Variants in NPL observed in about 807,000 individuals in gnomAD.
NPL encodes the protein N-acetylneuraminate pyruvate lyase, also known as N-acetylneuraminate lyase.
NPL carries 32 observed loss-of-function variants against 41.1 expected under a neutral mutation model. That is an observed-to-expected ratio of 0.78 (90% CI 0.59 to 1.05). The LOEUF is 1.05. Ranked by LOEUF, NPL falls within the 50% of genes least tolerant of loss-of-function variation. The pLI is 0.00. For synonymous variants in NPL, 128 were observed against 134.9 expected (o/e 0.95, Z 0.35); for missense variants, 321 against 378.4 (o/e 0.85, Z 1.26).
intron 4 of NPL, among the ~76,000 whole-genome samples, chr1:182,804,732 C>T (rs1666955125): frequency 6.6e-6 from 1 of 152,158 alleles, no homozygotes; most frequent in African/African-American, 2.4e-5. Context: ...GGAGCCCCTC[C>T]AGAGCCAGAG....
intron 5 of NPL, among the ~76,000 whole-genome samples, chr1:182,811,048 T>A (rs1039358812): frequency 3.3e-5 from 5 of 151,328 alleles, no homozygotes; most frequent in African/African-American, 9.8e-5. Flanking sequence ...TGATTTTTTT[T>A]AAATTTACAT....
At chr1:182,802,855 C>T (rs778873862) in intron 3 of NPL, among the ~76,000 whole-genome samples, 6 of 152,256 alleles carry the variant, frequency 3.9e-5, no homozygotes, top group East Asian at 3.9e-4. Flanking sequence ...GCAGATCACA[C>T]GGCGATCTTG....
intron 12 of NPL, chr1:182,827,011 T>C (rs1293758151): frequency 6.6e-6 from 1 of 152,204 alleles, no homozygotes; most frequent in Non-Finnish European, 1.5e-5. Flanking sequence ...ATAAAAGTTA[T>C]ATAACTATGG....
rs541849392 is a variant in NPL at position 182,789,801 on chromosome 1, C to G, written c.-76C>G. ...GCGGCTGCACGGACAAGAGCGGAGG[C>G]CTGGGTGAGCGCGGCCCGCGACGGC... On this transcript the variant is annotated 5_prime_UTR_variant, in exon 1 of 13. Transcript: ENST00000367553. 221 of 152,718 alleles carry G rather than the reference C, an allele frequency of 1.4e-3. 2 individuals carry two copies. The highest frequency in any genetic ancestry group is 3.4e-3 in the Middle Eastern group (1 of 296). The allele number at this position is 152,718 out of a possible 1,614,324, so 9.5% of individuals were successfully genotyped here.
At chr1:182,806,589 C>T in intron 5 of NPL, 1 of 1,515,018 alleles carries the variant, frequency 6.6e-7, no homozygotes, top group Non-Finnish European at 8.8e-7. Context: ...CACTGAGCAA[C>T]TCACACCCCT....
intron 8 of NPL, among the ~76,000 whole-genome samples, chr1:182,818,140 G>A (rs1667387162): frequency 6.6e-6 from 1 of 152,136 alleles, no homozygotes; most frequent in Admixed American, 6.5e-5. Flanking sequence ...AGGGATTTAG[G>A]AGATTTGTGT....
intron 4 of NPL, among the ~76,000 whole-genome samples, 191 bp from the exon 5 acceptor site, chr1:182,805,954 A>G (rs923277297): frequency 1.3e-5 from 2 of 152,356 alleles, no homozygotes; most frequent in African/African-American, 4.8e-5. Flanking sequence ...ACAAGTCACA[A>G]TTAACCTTCC....
intron 10 of NPL, among the ~76,000 whole-genome samples, chr1:182,821,309 C>T (rs1667481256): frequency 1.3e-5 from 2 of 152,170 alleles, no homozygotes; most frequent in African/African-American, 4.8e-5. Context: ...TTTCTATAAC[C>T]TTCTACCTTG....
intron 11 of NPL, 85 bp from the exon 12 acceptor site, chr1:182,825,696 G>A: frequency 2.1e-6 from 2 of 950,300 alleles, no homozygotes; most frequent in Non-Finnish European, 3.4e-6. Flanking sequence ...AGACTTTTTA[G>A]GGTTTCTGTA....
At chr1:182,790,957 C>A (rs1426202870) in intron 1 of NPL, among the ~76,000 whole-genome samples, 3 of 152,038 alleles carry the variant, frequency 2.0e-5, no homozygotes, top group Non-Finnish European at 2.9e-5. Context: ...TCGTTTTTAT[C>A]CCATTTCTTC....
chr1:182,818,416 G>T (rs187423068), intron 8 of NPL, 125 bp from the exon 9 acceptor site: 1 of 1,185,244 alleles, frequency 8.4e-7, no homozygotes, highest in East Asian at 2.3e-5. Context: ...CAGTGATTAT[G>T]CCTAGTCTGC....
intron 2 of NPL, 131 bp from the exon 3 acceptor site, chr1:182,794,225 T>G: frequency 1.2e-6 from 1 of 831,394 alleles, no homozygotes; most frequent in Admixed American, 1.8e-5. Flanking sequence ...TTTACCATCT[T>G]GTACTTGCTC....
chr1:182,812,274 T>G, intron 6 of NPL, 61 bp downstream of exon 6: 1 of 1,408,622 alleles, frequency 7.1e-7, no homozygotes, highest in Non-Finnish European at 1.0e-6. Flanking sequence ...TATGCCGCAG[T>G]TAAAATCAGT....
chr1:182,800,133 G>A (rs1374540779), intron 3 of NPL, among the ~76,000 whole-genome samples: 2 of 152,014 alleles, frequency 1.3e-5, no homozygotes, highest in African/African-American at 4.8e-5. Context: ...AGAGTAGGGT[G>A]GGAAAACAAG....
At chr1:182,805,046 A>G (rs1191523593) in intron 4 of NPL, among the ~76,000 whole-genome samples, 1 of 152,144 alleles carries the variant, frequency 6.6e-6, no homozygotes, top group Non-Finnish European at 1.5e-5. Context: ...CCCAGTGCTG[A>G]GTGCTTAGAG....
chr1:182,796,675 G>A (rs1666676934), intron 3 of NPL, among the ~76,000 whole-genome samples: 1 of 152,180 alleles, frequency 6.6e-6, no homozygotes, highest in African/African-American at 2.4e-5. Context: ...GTGAAATGAT[G>A]TGAGTCCTGG....
intron 8 of NPL, among the ~76,000 whole-genome samples, chr1:182,817,169 G>GCACATAGGAAAGTCCTCTGATCTCTTCTC (rs1202631220): frequency 6.6e-6 from 1 of 152,128 alleles, no homozygotes; most frequent in African/African-American, 2.4e-5. Context: ...AGTGCCTGTA[G>GCACATAGGAAAGTCCTCTGATCTCTTCTC]CACATAGGAA....
chr1:182,809,339 G>A, intron 5 of NPL: 9 of 329,738 alleles, frequency 2.7e-5, no homozygotes, highest in Non-Finnish European at 4.2e-5. Context: ...AGAAGTTTGA[G>A]ACCAACCTGG....
intron 5 of NPL, chr1:182,809,287 C>T: frequency 2.4e-6 from 1 of 423,190 alleles, no homozygotes; most frequent in Middle Eastern, 3.5e-4. Flanking sequence ...ACCTGTAATC[C>T]CAGCACTTTG....
Sources: allele counts gnomAD v4.1 joint callset (sites outside exome capture counted in the v4.1 genomes callset), GRCh38; gene constraint gnomAD v4.1.1; transcripts MANE v1.5; gene names NCBI Gene and HGNC (gene_info 2026-07-23, HGNC 2026-07-21).